Variants in VWA2 observed in about 807,000 individuals in gnomAD.
VWA2 encodes the protein von Willebrand factor A domain containing 2.
VWA2 carries 73 observed loss-of-function variants against 70.4 expected under a neutral mutation model. The ratio of observed to expected loss-of-function variants is 1.04; its 90% CI spans 0.86 to 1.26. VWA2 has a LOEUF of 1.26. Among genes scored for constraint, VWA2 ranks in the 50% most tolerant of loss-of-function variants. VWA2 has a pLI of 0.00. For missense variants in VWA2, 1,011 were observed against 998.5 expected, an observed-to-expected ratio of 1.01 and a Z score of -0.17; for synonymous variants, 407 against 423.3, an observed-to-expected ratio of 0.96 and a Z score of 0.47.
chr10:114,286,211 A>G lies in VWA2; in HGVS notation c.1270A>G (p.Ser424Gly), dbSNP rs1273884153. 2.5e-6 allele frequency: 4 copies of G among 1,613,826 alleles called. No individual in the cohort carries two copies. Among genetic ancestry groups the G allele is most frequent in the African/African-American group, 2.7e-5 (2 of 74,948 alleles). The change falls in exon 11 of 14, where the codon AGT becomes GGT. Residue 424 changes from serine (S) to glycine (G), a missense_variant. By Grantham distance (56) the Ser-to-Gly change is moderately conservative. Coordinates refer to ENST00000392982, the MANE Select transcript of VWA2 (RefSeq NM_001272046.2). ...PFRGGPTLTG[S>G]ALRQAAERGF... ...CCGTGGTGGCCCCACCCTGACGGGCAGTGCCTTGCGGCAGGCGGCAGAGCG... is the reference window on the plus strand; with the variant it reads ...CCGTGGTGGCCCCACCCTGACGGGCGGTGCCTTGCGGCAGGCGGCAGAGCG...
chr10:114,285,240 C>T (rs1223404249), intron 10 of VWA2, among the ~76,000 whole-genome samples: 1 of 152,174 alleles, frequency 6.6e-6, no homozygotes, highest in Non-Finnish European at 1.5e-5. Context: ...TGCTGCCCAG[C>T]CCAGCTGAAG....
At chr10:114,283,953 G>GCCAGTC (rs1436933684) in intron 9 of VWA2, among the ~76,000 whole-genome samples, 48 of 152,232 alleles carry the variant, frequency 3.2e-4, no homozygotes, top group African/African-American at 1.0e-3. Context: ...ACAAGAAAAT[G>GCCAGTC]CCAGTCCCAG....
intron 6 of VWA2, 110 bp downstream of exon 6, chr10:114,273,044 T>TG: frequency 1.1e-6 from 1 of 889,364 alleles, no homozygotes; most frequent in Non-Finnish European, 1.6e-6. Flanking sequence ...GGTCCTTCCC[T>TG]GGATCTGTCT....
chr10:114,289,480 C>T lies in VWA2; in HGVS notation c.2113C>T (p.Leu705=), dbSNP rs2039328870. Residue 705 remains leucine (L), a synonymous_variant, in exon 12 of 14, where the codon CTG becomes TTG. Transcript: ENST00000392982. The stretch of plus-strand genomic sequence containing the variant: ...CCACCAGGACGTGCTCATTGAGTGG[C>T]TGTGTGGAGGTGAGTGGGGGAATCC... ...RYHQDVLIEW[L]CGEAKQPVNL... 5 of 1,614,084 alleles carry T rather than the reference C, an allele frequency of 3.1e-6. No homozygotes were observed. Among genetic ancestry groups the T allele is most frequent in the Non-Finnish European group, 4.2e-6 (5 of 1,180,038 alleles).
At chr10:114,257,613 G>A (rs937059047) in intron 4 of VWA2, among the ~76,000 whole-genome samples, 4 of 152,140 alleles carry the variant, frequency 2.6e-5, no homozygotes, top group African/African-American at 9.7e-5. Context: ...TGCTCCATTA[G>A]GCCATTTGTC....
chr10:114,265,784 G>A (rs964887998), intron 5 of VWA2, among the ~76,000 whole-genome samples: 7 of 152,154 alleles, frequency 4.6e-5, no homozygotes, highest in East Asian at 1.9e-4. Context: ...GCTCTTCTGG[G>A]GCTGTGTATG....
At chr10:114,281,757 C>G (rs2038136712) in intron 8 of VWA2, 1 of 985,344 alleles carries the variant, frequency 1.0e-6, no homozygotes. Context: ...CAGTGCTCTT[C>G]TCTCCCCATC....
chr10:114,265,708 GAC>G (rs1373501833), intron 5 of VWA2, among the ~76,000 whole-genome samples: 1 of 152,220 alleles, frequency 6.6e-6, no homozygotes, highest in East Asian at 1.9e-4. Context: ...GAAATGGAGA[GAC>G]ACACTAAGAT....
intron 11 of VWA2, 68 bp downstream of exon 11, chr10:114,286,579 C>A: frequency 7.3e-7 from 1 of 1,375,890 alleles, no homozygotes; most frequent in African/African-American, 1.4e-5. Context: ...TTGGCCACCA[C>A]CTAACCATCA....
At chr10:114,256,099 C>G (rs911621780) in intron 4 of VWA2, among the ~76,000 whole-genome samples, 45 of 152,188 alleles carry the variant, frequency 3.0e-4, no homozygotes, top group African/African-American at 1.1e-3. Flanking sequence ...CCCAGCAATT[C>G]TACATCAAGG....
intron 5 of VWA2, among the ~76,000 whole-genome samples, chr10:114,264,698 C>T (rs992119471): frequency 2.6e-5 from 4 of 151,766 alleles, no homozygotes; most frequent in East Asian, 1.9e-4. Flanking sequence ...GAATTACAGG[C>T]GTGAGCCACT....
chr10:114,272,706 C>G (rs751348186), intron 5 of VWA2, 34 bp from the exon 6 acceptor site: 1 of 1,521,424 alleles, frequency 6.6e-7, no homozygotes, highest in Non-Finnish European at 8.9e-7. Flanking sequence ...ACATCATTCA[C>G]TTTTCTTTCT....
intron 4 of VWA2, among the ~76,000 whole-genome samples, chr10:114,255,782 T>A (rs1469759957): frequency 6.6e-6 from 1 of 150,446 alleles, no homozygotes; most frequent in Non-Finnish European, 1.5e-5. Context: ...TTTTTTTTTT[T>A]AACAATCCAA....
intron 8 of VWA2, chr10:114,281,799 G>C: frequency 1.0e-6 from 1 of 964,152 alleles, no homozygotes; most frequent in Non-Finnish European, 1.2e-6. Flanking sequence ...GAAAAGTGAA[G>C]ATAGAATTAC....
intron 9 of VWA2, among the ~76,000 whole-genome samples, chr10:114,283,417 C>A (rs1019012884): frequency 6.6e-6 from 1 of 151,910 alleles, no homozygotes; most frequent in African/African-American, 2.4e-5. Flanking sequence ...TAGCGAGTGT[C>A]CCTATTTGGG....
chr10:114,284,827 G>A, intron 9 of VWA2, 36 bp from the exon 10 acceptor site: 1 of 1,566,480 alleles, frequency 6.4e-7, no homozygotes, highest in East Asian at 2.4e-5. Context: ...CCTCTGTGCT[G>A]CGGTGCTTAG....
At chr10:114,277,817 C>A in intron 6 of VWA2, 97 bp from the exon 7 acceptor site, 2 of 1,426,984 alleles carry the variant, frequency 1.4e-6, no homozygotes, top group Non-Finnish European at 1.9e-6. Context: ...GACACTAAAT[C>A]TGTGCTGCCA....
chr10:114,283,330 C>T (rs1013952761), intron 9 of VWA2, among the ~76,000 whole-genome samples: 1 of 151,366 alleles, frequency 6.6e-6, no homozygotes, highest in African/African-American at 2.4e-5. Context: ...GGGTAGCGAG[C>T]AGTTAGACAC....
At position 114,288,998 on chromosome 10, in the gene VWA2, C is replaced by G. The variant is rs2039254759; in HGVS notation, c.1631C>G (p.Pro544Arg). 1 of 1,614,120 alleles carries G rather than the reference C, an allele frequency of 6.2e-7. No individual in the cohort carries two copies. The highest frequency in any genetic ancestry group is 2.2e-5 in the East Asian group (1 of 44,864). ...FMLDTSASVGPENFAQMQSFV... is the reference protein window; with the variant it reads ...FMLDTSASVGRENFAQMQSFV... ...TTGGACACCTCTGCCTCAGTAGGGC[C>G]CGAGAATTTTGCTCAGATGCAGAGC... is the stretch of plus-strand genomic sequence containing the variant. The change falls in exon 12 of 14, where the codon CCC becomes CGC. Residue 544 changes from proline (P) to arginine (R), a missense_variant. Coordinates refer to ENST00000392982, the MANE Select transcript of VWA2 (RefSeq NM_001272046.2).
Sources: allele counts gnomAD v4.1 joint callset (sites outside exome capture counted in the v4.1 genomes callset), GRCh38; gene constraint gnomAD v4.1.1; transcripts MANE v1.5; gene names NCBI Gene and HGNC (gene_info 2026-07-23, HGNC 2026-07-21).